Variants in PELI2 observed in about 807,000 individuals in gnomAD.
PELI2 encodes pellino E3 ubiquitin protein ligase family member 2, also known as E3 ubiquitin-protein ligase pellino homolog 2.
PELI2 carries 23 observed loss-of-function variants against 42.3 expected under a neutral mutation model. The ratio of observed to expected loss-of-function variants is 0.54; its 90% CI spans 0.39 to 0.77. The LOEUF (loss-of-function observed/expected upper bound fraction) is 0.77, where lower values mean the gene tolerates loss of function less well. Among genes scored for constraint, PELI2 ranks in the 30% least tolerant of loss-of-function variants. PELI2 has a pLI of 0.00. For missense variants in PELI2, 463 were observed against 553.2 expected, an observed-to-expected ratio of 0.84 and a Z score of 1.64; for synonymous variants, 245 against 212.2, an observed-to-expected ratio of 1.15 and a Z score of -1.34.
intron 1 of PELI2, among the ~76,000 whole-genome samples, chr14:56,141,350 G>A (rs1367606856): frequency 6.6e-6 from 1 of 152,168 alleles, no homozygotes; most frequent in Non-Finnish European, 1.5e-5. Context: ...TTGTCAGGAC[G>A]GACGTTAGGA....
chr14:56,254,115 T>A (rs541529399), intron 2 of PELI2, among the ~76,000 whole-genome samples: 1 of 152,172 alleles, frequency 6.6e-6, no homozygotes, highest in Non-Finnish European at 1.5e-5. Context: ...TAATAAATGA[T>A]GTTGGCCAGG....
At chr14:56,144,392 G>A (rs1391256316) in intron 1 of PELI2, among the ~76,000 whole-genome samples, 1 of 152,238 alleles carries the variant, frequency 6.6e-6, no homozygotes, top group Non-Finnish European at 1.5e-5. Context: ...CAAAGCTGAT[G>A]TCCACAGGTG....
chr14:56,237,822 T>C (rs1887849356), intron 2 of PELI2, among the ~76,000 whole-genome samples: 1 of 151,770 alleles, frequency 6.6e-6, no homozygotes. Flanking sequence ...TCTGTGTAGC[T>C]CTGTGGCACC....
chr14:56,189,770 A>G (rs2139685682), intron 2 of PELI2, among the ~76,000 whole-genome samples: 1 of 152,378 alleles, frequency 6.6e-6, no homozygotes, highest in Non-Finnish European at 1.5e-5. Flanking sequence ...TTAAAACTGC[A>G]TCATCATAAT....
At chr14:56,263,958 T>G (rs1320425806) in intron 2 of PELI2, among the ~76,000 whole-genome samples, 1 of 152,154 alleles carries the variant, frequency 6.6e-6, no homozygotes, top group African/African-American at 2.4e-5. Context: ...TGCAATAGCA[T>G]AAAAAATGTA....
intron 5 of PELI2, chr14:56,292,669 A>G (rs1321300374): frequency 2.5e-6 from 1 of 394,824 alleles, no homozygotes; most frequent in Admixed American, 6.4e-5. Context: ...ATGAATCAAT[A>G]TACTAATGTA....
intron 2 of PELI2, among the ~76,000 whole-genome samples, chr14:56,216,191 G>C (rs1335120999): frequency 1.6e-5 from 2 of 125,998 alleles, no homozygotes; most frequent in Admixed American, 8.6e-5. Context: ...ATTTGGTTCA[G>C]ATTTTACATT....
In PELI2 at chr14:56,297,809, T is replaced by G. The variant is rs1402493960; in HGVS notation, c.*643T>G. On this transcript the variant is annotated 3_prime_UTR_variant, in exon 6 of 6. Transcript: ENST00000267460. Reference sequence around the variant, plus strand: ...ACTTCAGTGGAATTTACTTTAGATATTCATTCATCAAATACATGGGACTTC... The same window carrying G: ...ACTTCAGTGGAATTTACTTTAGATAGTCATTCATCAAATACATGGGACTTC... 2 of 152,076 alleles carry G rather than the reference T, an allele frequency of 1.3e-5. No homozygotes were observed. The highest frequency in any genetic ancestry group is 2.4e-5 in the African/African-American group (1 of 41,400). The allele number at this position is 152,076 out of a possible 1,614,324, so 9.4% of individuals were successfully genotyped here. A position where few individuals can be genotyped will look rare whatever the true frequency, so the allele number is the denominator to read the frequency against.
At chr14:56,195,989 C>G (rs1003036358) in intron 2 of PELI2, among the ~76,000 whole-genome samples, 7 of 152,186 alleles carry the variant, frequency 4.6e-5, no homozygotes, top group Non-Finnish European at 1.0e-4. Flanking sequence ...GTCAGTTTAT[C>G]ATTACTGGGC....
Position 56,180,038 on chromosome 14 carries a change from C to T in PELI2, c.207+1574C>T, listed in dbSNP as rs1885523676. Among the ~76,000 whole-genome samples the T allele has an allele frequency of 6.6e-6, 1 of 152,156 alleles. No individual in the cohort carries two copies. The highest frequency in any genetic ancestry group is 2.1e-4 in the South Asian group (1 of 4,834). On this transcript the variant is annotated intron_variant, in intron 2 of 5. Coordinates refer to ENST00000267460, the MANE Select transcript of PELI2 (RefSeq NM_021255.3). This position sits in a 1 kb window ranked among gnomAD's most constrained non-coding sequence, Gnocchi z 4.4. ...AATCTTTAGCCACTGCCATCTCCTC[C>T]CATTTTAGCCTTTTATGTTTTACTT...
At chr14:56,171,604 T>C (rs1462728067) in intron 1 of PELI2, among the ~76,000 whole-genome samples, 1 of 152,216 alleles carries the variant, frequency 6.6e-6, no homozygotes, top group Non-Finnish European at 1.5e-5. Context: ...ACAGAAGGCC[T>C]CACTTTTTTA....
At chr14:56,126,738 G>A (rs1883284322) in intron 1 of PELI2, among the ~76,000 whole-genome samples, 1 of 152,086 alleles carries the variant, frequency 6.6e-6, no homozygotes, top group African/African-American at 2.4e-5. Context: ...ATTGATTGAT[G>A]GATTGATTGA....
At chr14:56,222,674 T>C (rs754689) in intron 2 of PELI2, among the ~76,000 whole-genome samples, 137,485 of 152,270 alleles carry the variant, frequency 0.9, 62,335 homozygotes, top group Middle Eastern at 0.96. Context: ...AGCTCTAGTT[T>C]GTACATATTA....
intron 2 of PELI2, among the ~76,000 whole-genome samples, chr14:56,198,454 T>C (rs1566632572): frequency 6.6e-6 from 1 of 152,180 alleles, no homozygotes; most frequent in Non-Finnish European, 1.5e-5. Flanking sequence ...TAAGGCAGAC[T>C]GGAGTAGCTG....
chr14:56,181,606 ACAAT>A (rs1258762536), intron 2 of PELI2, among the ~76,000 whole-genome samples: 1 of 152,034 alleles, frequency 6.6e-6, no homozygotes, highest in Non-Finnish European at 1.5e-5. Context: ...CTCCACCACA[ACAAT>A]CATTCTCTCT....
At chr14:56,234,078 G>T (rs369280362) in intron 2 of PELI2, among the ~76,000 whole-genome samples, 1 of 152,104 alleles carries the variant, frequency 6.6e-6, no homozygotes, top group Non-Finnish European at 1.5e-5. Flanking sequence ...TTAGAATGGC[G>T]ATCATTAAAA....
At chr14:56,283,310 C>T (rs1016504335) in intron 3 of PELI2, among the ~76,000 whole-genome samples, 1 of 152,094 alleles carries the variant, frequency 6.6e-6, no homozygotes, top group Admixed American at 6.6e-5. Context: ...TCGAAAGACT[C>T]AAGATTTAAT....
chr14:56,123,361 T>C (rs1883133753), intron 1 of PELI2, among the ~76,000 whole-genome samples: 1 of 152,208 alleles, frequency 6.6e-6, no homozygotes, highest in Admixed American at 6.5e-5. Flanking sequence ...AACATTAGTA[T>C]CTTTTATAGA....
At chr14:56,292,771 G>A in intron 5 of PELI2, 1 of 977,926 alleles carries the variant, frequency 1.0e-6, no homozygotes, top group Non-Finnish European at 1.2e-6. Context: ...AATTAAATAT[G>A]GGGGAAATGT....
Sources: allele counts gnomAD v4.1 joint callset (sites outside exome capture counted in the v4.1 genomes callset), GRCh38; gene constraint gnomAD v4.1.1; non-coding constraint Gnocchi (gnomAD v3.1); transcripts MANE v1.5; gene names NCBI Gene and HGNC (gene_info 2026-07-23, HGNC 2026-07-21).